Variants in CACNA2D3 observed in about 807,000 individuals in gnomAD.
CACNA2D3 encodes voltage-dependent calcium channel subunit alpha-2/delta-3.
In CACNA2D3, 60 loss-of-function variants were observed where a neutral mutation model predicts 160.6. The ratio of observed to expected loss-of-function variants is 0.37; its 90% confidence interval spans 0.30 to 0.46. The LOEUF (loss-of-function observed/expected upper bound fraction) is 0.46. Ranked by LOEUF, CACNA2D3 falls within the 20% of genes least tolerant of loss-of-function variation. The pLI is 1.00. For synonymous variants in CACNA2D3, 558 were observed against 492.9 expected (o/e 1.13, Z -1.75); for missense variants, 1,205 against 1,365.0 (o/e 0.88, Z 1.85).
At chr3:54,637,932 G>A (rs1028779505) in intron 10 of CACNA2D3, 2 of 152,092 alleles carry the variant, frequency 1.3e-5, no homozygotes, top group Non-Finnish European at 2.9e-5. Flanking sequence ...CCAGATTTCC[G>A]GCATGTGTAG....
chr3:54,463,127 G>C (rs953147095), intron 4 of CACNA2D3, among the ~76,000 whole-genome samples: 2 of 152,156 alleles, frequency 1.3e-5, no homozygotes, highest in Non-Finnish European at 2.9e-5. Context: ...GGCTTGTAGA[G>C]TTTCCGCCGA....
intron 2 of CACNA2D3, among the ~76,000 whole-genome samples, chr3:54,201,765 CA>C (rs1559880512): frequency 1.3e-5 from 2 of 152,100 alleles, no homozygotes; most frequent in South Asian, 2.1e-4. Context: ...ATTGAATTGA[CA>C]ACAGAGAAAT....
At chr3:54,587,194 A>G (rs1263491615) in intron 9 of CACNA2D3, among the ~76,000 whole-genome samples, 3 of 152,126 alleles carry the variant, frequency 2.0e-5, no homozygotes, top group African/African-American at 7.2e-5. Context: ...ACAGTAGAGA[A>G]AAATCAATGA....
rs1703778884 is a variant in CACNA2D3, at chr3:54,313,183, G to A, written c.205-7259G>A. Among the ~76,000 whole-genome samples, 8 of 152,070 alleles carry A rather than the reference G, an allele frequency of 5.3e-5. No individual in the cohort carries two copies. The South Asian group carries it at 1.7e-3, about 32-fold the overall frequency. On this transcript the variant is annotated intron_variant, in intron 2 of 37. Coordinates refer to ENST00000474759, the MANE Select transcript of CACNA2D3 (RefSeq NM_018398.3). ...TCATCATCTCTTGAGTTCTGAATGA[G>A]GACCCTGAGGCTCAGGAGGTTAATG...
At chr3:54,596,728 A>C (rs1702962006) in intron 9 of CACNA2D3, among the ~76,000 whole-genome samples, 1 of 151,814 alleles carries the variant, frequency 6.6e-6, no homozygotes, top group Non-Finnish European at 1.5e-5. Context: ...TGACTTCACC[A>C]TGCACCTTCT....
Position 54,582,362 on chromosome 3 carries a change from A to G in CACNA2D3, c.963+485A>G, listed in dbSNP as rs939434. On this transcript the variant is annotated intron_variant, in intron 9 of 37. Transcript: ENST00000474759. ...CAATGTGCCAAGCATTGCCTGTTCC[A>G]TTAATATTGTGGAACAAAAGGACGA... 8.4e-3 allele frequency among the ~76,000 whole-genome samples: 1,281 copies of G among 152,326 alleles called. 10 individuals are homozygous for G. The highest frequency in any genetic ancestry group is 0.02 in the Middle Eastern group (6 of 294).
intron 14 of CACNA2D3, among the ~76,000 whole-genome samples, chr3:54,830,977 T>C (rs904879515): frequency 1.3e-5 from 2 of 152,128 alleles, no homozygotes; most frequent in Non-Finnish European, 2.9e-5. Flanking sequence ...CACACACATA[T>C]AAAATATTTA....
intron 10 of CACNA2D3, among the ~76,000 whole-genome samples, chr3:54,636,309 G>A (rs1225801873): frequency 2.0e-5 from 3 of 151,944 alleles, no homozygotes; most frequent in Non-Finnish European, 4.4e-5. Context: ...AATATCAGGT[G>A]GATCAGAGAG....
At chr3:54,551,623 G>A (rs1284469169) in intron 5 of CACNA2D3, among the ~76,000 whole-genome samples, 1 of 152,176 alleles carries the variant, frequency 6.6e-6, no homozygotes, top group Non-Finnish European at 1.5e-5. Flanking sequence ...TCAGAATGGT[G>A]TGAAGCCTCA....
intron 18 of CACNA2D3, among the ~76,000 whole-genome samples, chr3:54,876,827 C>G (rs1264366136): frequency 1.3e-5 from 2 of 152,170 alleles, no homozygotes; most frequent in African/African-American, 4.8e-5. Flanking sequence ...TCAGTAGTAT[C>G]CGAATTTCAT....
chr3:54,943,218 T>A (rs370880819), intron 27 of CACNA2D3, among the ~76,000 whole-genome samples: 9 of 133,938 alleles, frequency 6.7e-5, no homozygotes, highest in African/African-American at 1.1e-4. Flanking sequence ...AAAAAAAAAA[T>A]GAGAATAATA....
At chr3:54,732,950 T>C (rs1701418511) in intron 11 of CACNA2D3, among the ~76,000 whole-genome samples, 2 of 152,258 alleles carry the variant, frequency 1.3e-5, no homozygotes, top group South Asian at 2.1e-4. Context: ...GAGTGGCTTG[T>C]ACTTGGACAT....
At chr3:54,725,264 G>A (rs1701254828) in intron 11 of CACNA2D3, among the ~76,000 whole-genome samples, 1 of 152,112 alleles carries the variant, frequency 6.6e-6, no homozygotes, top group Admixed American at 6.6e-5. Flanking sequence ...AATTGAAGTG[G>A]TAATTAATAG....
intron 3 of CACNA2D3, among the ~76,000 whole-genome samples, chr3:54,384,273 T>G (rs1047227958): frequency 1.3e-5 from 2 of 152,216 alleles, no homozygotes; most frequent in African/African-American, 4.8e-5. Context: ...TTGCAGTAAA[T>G]AAATGCTCAA....
chr3:54,699,118 C>G (rs560593411), intron 11 of CACNA2D3, among the ~76,000 whole-genome samples: 1 of 152,114 alleles, frequency 6.6e-6, no homozygotes, highest in Non-Finnish European at 1.5e-5. Context: ...AAAATAAGAC[C>G]AAGGCATCAA....
chr3:54,956,862 C>T (rs1237284056), intron 27 of CACNA2D3, among the ~76,000 whole-genome samples: 2 of 151,886 alleles, frequency 1.3e-5, no homozygotes, highest in Non-Finnish European at 2.9e-5. Flanking sequence ...AAAAGAACAC[C>T]GAGAGCACAC....
At chr3:54,356,471 G>A (rs564368524) in intron 3 of CACNA2D3, among the ~76,000 whole-genome samples, 2 of 152,302 alleles carry the variant, frequency 1.3e-5, no homozygotes, top group South Asian at 2.1e-4. Context: ...TATTGGCACC[G>A]AGGTCTAACC....
chr3:54,212,462 A>G (rs1002087413), intron 2 of CACNA2D3, among the ~76,000 whole-genome samples: 3 of 152,222 alleles, frequency 2.0e-5, no homozygotes, highest in Admixed American at 6.5e-5. Flanking sequence ...TGTCTGGGTT[A>G]TAATGATAAG....
At chr3:54,481,602 A>G (rs1281108885) in intron 4 of CACNA2D3, among the ~76,000 whole-genome samples, 1 of 152,216 alleles carries the variant, frequency 6.6e-6, no homozygotes, top group Non-Finnish European at 1.5e-5. Context: ...TTTTCCAAAA[A>G]GTGTACACGG....
Sources: gnomAD v4.1 joint callset for allele counts (sites outside exome capture counted in the v4.1 genomes callset) on GRCh38, gnomAD v4.1.1 for gene constraint, MANE v1.5 for transcripts, NCBI Gene and HGNC (gene_info 2026-07-23, HGNC 2026-07-21) for gene names.